Variants in PBX1 observed in about 807,000 individuals in gnomAD.
PBX1 encodes the protein PBX homeobox 1, also known as pre-B-cell leukemia transcription factor 1.
Under a neutral mutation model 53.4 loss-of-function variants are expected in PBX1, and 6 were observed. The ratio of observed to expected loss-of-function variants is 0.11; its 90% confidence interval spans 0.06 to 0.22. The LOEUF (loss-of-function observed/expected upper bound fraction) is 0.22. PBX1 is among the 10% of genes least tolerant of loss of function. The pLI, the probability that PBX1 is intolerant of heterozygous loss-of-function variation, is 1.00. For missense variants in PBX1, 251 were observed against 551.4 expected (o/e 0.46, Z 5.46); for synonymous variants, 204 against 212.3 (o/e 0.96, Z 0.34).
intron 8 of PBX1, among the ~76,000 whole-genome samples, chr1:164,840,185 T>C (rs1167777915): frequency 6.6e-6 from 1 of 152,166 alleles, no homozygotes; most frequent in Non-Finnish European, 1.5e-5. Context: ...ATGAAGACAC[T>C]GATGCAAAAT....
chr1:164,713,302 C>G (rs1055359015), intron 2 of PBX1, among the ~76,000 whole-genome samples: 16 of 152,166 alleles, frequency 1.1e-4, no homozygotes, highest in African/African-American at 3.9e-4. Flanking sequence ...TGACCTCCAA[C>G]ATGGCTCTCC....
At chr1:164,762,249 A>G (rs1363938350) in intron 2 of PBX1, among the ~76,000 whole-genome samples, 3 of 152,204 alleles carry the variant, frequency 2.0e-5, no homozygotes, top group Non-Finnish European at 2.9e-5. Flanking sequence ...AGCTTAAAAG[A>G]CAAAGTGTTG....
intron 2 of PBX1, chr1:164,674,849 C>CT (rs1661331972): frequency 1.0e-4 from 2 of 19,104 alleles, no homozygotes; most frequent in Non-Finnish European, 2.2e-4. Flanking sequence ...AAATCACAGC[C>CT]CCCCCCCCCC....
intron 2 of PBX1, chr1:164,631,065 G>A (rs1429160572): frequency 1.3e-5 from 2 of 152,152 alleles, no homozygotes; most frequent in Non-Finnish European, 2.9e-5. Context: ...AATGGGAGGA[G>A]TAATATATTA....
At chr1:164,561,756 A>C (rs918305393) in intron 1 of PBX1, among the ~76,000 whole-genome samples, 1 of 152,162 alleles carries the variant, frequency 6.6e-6, no homozygotes, top group South Asian at 2.1e-4. Context: ...GAGATCAGAT[A>C]CAATTTTGGG....
At chr1:164,677,689 A>G (rs1282837223) in intron 2 of PBX1, among the ~76,000 whole-genome samples, 2 of 152,092 alleles carry the variant, frequency 1.3e-5, no homozygotes, top group Admixed American at 6.5e-5. Flanking sequence ...GAAATGGGGC[A>G]GGAACAGATA....
At chr1:164,706,620 A>G (rs193028018) in intron 2 of PBX1, among the ~76,000 whole-genome samples, 10 of 152,306 alleles carry the variant, frequency 6.6e-5, no homozygotes, top group Admixed American at 6.5e-4. Flanking sequence ...ACATATGACA[A>G]TATGCATAGC....
Position 164,848,225 on chromosome 1 carries a change from T to C in PBX1, c.*1549T>C, listed in dbSNP as rs1370334468. 30 of 1,052,208 alleles carry C rather than the reference T, an allele frequency of 2.9e-5. No individual in the cohort carries two copies. The highest frequency in any genetic ancestry group is 3.2e-5 in the Non-Finnish European group (28 of 871,120). 65.2% of individuals were successfully genotyped at this position (1,052,208 alleles called of 1,614,324 possible). On this transcript the variant is annotated 3_prime_UTR_variant, in exon 9 of 9. Coordinates refer to ENST00000420696, the MANE Select transcript of PBX1 (RefSeq NM_002585.4). ...AAAATACATGAGAAAATAGCATGTA[T>C]ATGAAAGCTATTCTCAAAAGTCACC...
At chr1:164,692,319 T>C (rs1472623276) in intron 2 of PBX1, among the ~76,000 whole-genome samples, 1 of 152,128 alleles carries the variant, frequency 6.6e-6, no homozygotes, top group Non-Finnish European at 1.5e-5. Context: ...ACTTAAATGA[T>C]TTTAGTGTTT....
chr1:164,704,043 G>A (rs1213151175), intron 2 of PBX1, among the ~76,000 whole-genome samples: 1 of 152,158 alleles, frequency 6.6e-6, no homozygotes, highest in Non-Finnish European at 1.5e-5. Flanking sequence ...TTGGTAAAAT[G>A]CTGCAATAGA....
At chr1:164,630,102 A>C (rs778360124) in intron 2 of PBX1, among the ~76,000 whole-genome samples, 2 of 152,202 alleles carry the variant, frequency 1.3e-5, no homozygotes, top group Non-Finnish European at 2.9e-5. Flanking sequence ...AAGTCATTAG[A>C]AAACCTAATG....
chr1:164,812,690 T>G (rs1262384838), intron 6 of PBX1: 1 of 152,220 alleles, frequency 6.6e-6, no homozygotes, highest in Non-Finnish European at 1.5e-5. Flanking sequence ...GTTGTTGTTC[T>G]TTATTGTTTT....
intron 2 of PBX1, among the ~76,000 whole-genome samples, chr1:164,880,288 C>T (rs1672616553): frequency 6.6e-6 from 1 of 152,162 alleles, no homozygotes; most frequent in African/African-American, 2.4e-5. Flanking sequence ...CCTTGATAAA[C>T]AGAAAATATG....
At chr1:164,603,014 G>A (rs1249977971) in intron 2 of PBX1, among the ~76,000 whole-genome samples, 1 of 151,888 alleles carries the variant, frequency 6.6e-6, no homozygotes, top group East Asian at 1.9e-4. Flanking sequence ...TTCTTTTTTC[G>A]TCTTTTCTTC....
chr1:164,795,950 A>G (rs1668763019), intron 3 of PBX1, among the ~76,000 whole-genome samples: 1 of 152,212 alleles, frequency 6.6e-6, no homozygotes, highest in Admixed American at 6.5e-5. Context: ...CCAAAAACAA[A>G]ACAAAAAACT....
chr1:164,675,875 C>T (rs1661405709), intron 2 of PBX1, among the ~76,000 whole-genome samples: 1 of 152,000 alleles, frequency 6.6e-6, no homozygotes, highest in African/African-American at 2.4e-5. Context: ...TTGTGCATGC[C>T]CGTGTTCTGT....
rs190818629 is a variant in PBX1, at chr1:164,849,084, C to A, written c.*2408C>A. 2 of 1,316,090 alleles carry A rather than the reference C, an allele frequency of 1.5e-6. No individual in the cohort carries two copies. Among genetic ancestry groups the A allele is most frequent in the African/African-American group, 1.5e-5 (1 of 67,764 alleles). 81.5% of individuals were successfully genotyped at this position (1,316,090 alleles called of 1,614,324 possible). A position where few individuals can be genotyped will look rare whatever the true frequency, so the allele number is the denominator to read the frequency against. Reference sequence around the variant, plus strand: ...AGTGGCAGGAATATAATGAAACTACCCACGCAAGAACATGGTTGAATCACA... The same window carrying A: ...AGTGGCAGGAATATAATGAAACTACACACGCAAGAACATGGTTGAATCACA... On this transcript the variant is annotated 3_prime_UTR_variant, in exon 9 of 9. Transcript: ENST00000420696.
At position 164,559,712 on chromosome 1, in the gene PBX1, T is replaced by G; in HGVS notation, c.-111T>G. ...TTCTTTTTTCCCCCTTCCCTGTTTA[T>G]CCTGAAAAGGATTTGAAGACAAGCT... On this transcript the variant is annotated 5_prime_UTR_variant, in exon 1 of 9. Coordinates refer to ENST00000420696, the MANE Select transcript of PBX1 (RefSeq NM_002585.4). 1 of 739,618 alleles carries G rather than the reference T, an allele frequency of 1.4e-6. No individual in the cohort carries two copies. Among genetic ancestry groups the G allele is most frequent in the Non-Finnish European group, 2.0e-6 (1 of 489,432 alleles). The allele number at this position is 739,618 out of a possible 1,614,324, so 45.8% of individuals were successfully genotyped here. A position where few individuals can be genotyped will look rare whatever the true frequency, so the allele number is the denominator to read the frequency against.
chr1:164,675,967 C>A (rs553477330), intron 2 of PBX1, among the ~76,000 whole-genome samples: 2 of 152,290 alleles, frequency 1.3e-5, no homozygotes, highest in African/African-American at 4.8e-5. Flanking sequence ...TAGGACCTCT[C>A]CCATCATGCC....
Sources: gnomAD v4.1 joint callset for allele counts (sites outside exome capture counted in the v4.1 genomes callset) on GRCh38, gnomAD v4.1.1 for gene constraint, MANE v1.5 for transcripts, NCBI Gene and HGNC (gene_info 2026-07-23, HGNC 2026-07-21) for gene names.